Variants in NID1 observed in about 807,000 individuals in gnomAD.
NID1 encodes the protein nidogen-1.
Under a neutral mutation model 130.6 loss-of-function variants are expected in NID1, and 76 were observed. That is an observed-to-expected ratio of 0.58 (90% CI 0.48 to 0.70). The LOEUF (loss-of-function observed/expected upper bound fraction) is 0.70, where lower values mean the gene tolerates loss of function less well. Among genes scored for constraint, NID1 ranks in the 30% least tolerant of loss-of-function variants. NID1 has a pLI of 0.00. For synonymous variants in NID1, 665 were observed against 675.1 expected, an observed-to-expected ratio of 0.98 and a Z score of 0.23; for missense variants, 1,517 against 1,664.8, an observed-to-expected ratio of 0.91 and a Z score of 1.54.
chr1:235,980,428 C>A, intron 17 of NID1, 68 bp downstream of exon 17: 2 of 1,536,680 alleles, frequency 1.3e-6, no homozygotes, highest in Non-Finnish European at 1.8e-6. Context: ...GACCCCAGGG[C>A]CCTAGTTTGC....
chr1:235,983,068 T>C (rs910552258), intron 15 of NID1, among the ~76,000 whole-genome samples: 1 of 152,098 alleles, frequency 6.6e-6, no homozygotes, highest in African/African-American at 2.4e-5. Flanking sequence ...AGAGACAGGG[T>C]TTCACCATGT....
chr1:236,007,607 G>C (rs757778117), intron 12 of NID1, among the ~76,000 whole-genome samples: 7 of 152,184 alleles, frequency 4.6e-5, no homozygotes, highest in Middle Eastern at 3.4e-3. Context: ...CCTTTGACTT[G>C]CTGTGGAGGG....
chr1:236,025,151 C>G (rs1192541359), intron 8 of NID1, among the ~76,000 whole-genome samples: 1 of 151,944 alleles, frequency 6.6e-6, no homozygotes, highest in African/African-American at 2.4e-5. Context: ...AGGGTTTCTC[C>G]ATGTTGGCCA....
At chr1:235,997,845 T>G (rs1347934556) in intron 12 of NID1, among the ~76,000 whole-genome samples, 1 of 152,100 alleles carries the variant, frequency 6.6e-6, no homozygotes, top group Non-Finnish European at 1.5e-5. Flanking sequence ...TGACCTCAGG[T>G]GATCCACCCA....
At chr1:236,007,704 G>A (rs964580048) in intron 12 of NID1, among the ~76,000 whole-genome samples, 2 of 152,064 alleles carry the variant, frequency 1.3e-5, no homozygotes, top group African/African-American at 4.8e-5. Context: ...ACAACCATGC[G>A]GGTCCTTCAG....
chr1:235,988,573 G>T (rs1300580955), intron 14 of NID1, among the ~76,000 whole-genome samples: 2 of 152,288 alleles, frequency 1.3e-5, no homozygotes, highest in South Asian at 2.1e-4. Context: ...ACAGATATTT[G>T]TATACCCATG....
chr1:236,044,870 C>G lies in NID1; in HGVS notation c.752+587G>C, dbSNP rs193048701. The stretch of plus-strand genomic sequence containing the variant: ...TCAAAGGAGATAGGTTTGAATAACC[C>G]TTATTTCTAACAGTGTTTATAGACA... On this transcript the variant is annotated intron_variant, in intron 3 of 19. Transcript: ENST00000264187. Among the ~76,000 whole-genome samples, 71 of 152,162 alleles carry G rather than the reference C, an allele frequency of 4.7e-4. 1 individual carries two copies. The highest frequency in any genetic ancestry group is 1.7e-3 in the African/African-American group (71 of 41,494).
intron 12 of NID1, among the ~76,000 whole-genome samples, chr1:236,005,156 C>A (rs1373858377): frequency 1.3e-5 from 2 of 151,926 alleles, no homozygotes; most frequent in Admixed American, 6.6e-5. Flanking sequence ...CTGGGTAACA[C>A]CATCTCAAGA....
rs141204959 is a variant in NID1, at chr1:236,017,204, G to T, written c.2198C>A (p.Thr733Asn). The T allele has an allele frequency of 2.8e-3, 4,519 of 1,614,138 alleles. 11 individuals carry two copies. The highest frequency in any genetic ancestry group is 3.2e-3 in the Non-Finnish European group (3,722 of 1,180,014). ...GCCCTCCACACACTCGCAGCGGAAGGTTCCTGGGTGATTATTGCAGATTGT... is the reference window on the plus strand; with the variant it reads ...GCCCTCCACACACTCGCAGCGGAAGTTTCCTGGGTGATTATTGCAGATTGT... The part of the protein sequence containing the change: ...SHTICNNHPG[T>N]FRCECVEGYQ... Residue 733 changes from threonine to asparagine, a missense_variant, in exon 10 of 20, where the codon ACC (threonine) becomes AAC (asparagine). Coordinates refer to ENST00000264187, the MANE Select transcript of NID1 (RefSeq NM_002508.3).
Position 236,029,535 on chromosome 1 carries a change from A to G in NID1, c.1738+15T>C. 1.3e-6 allele frequency: 2 copies of G among 1,550,340 alleles called. No homozygotes were observed. Among genetic ancestry groups the G allele is most frequent in the Non-Finnish European group, 1.7e-6 (2 of 1,146,538 alleles). On this transcript the variant is annotated intron_variant, in intron 7 of 19. Coordinates refer to ENST00000264187, the MANE Select transcript of NID1 (RefSeq NM_002508.3). ...GCCGGTCTGGGGCTGGCCCTGGGAC[A>G]CAGCTGGGGCTCACCTGAGGTGGAG...
chr1:236,059,054 G>T (rs907731084), intron 1 of NID1, among the ~76,000 whole-genome samples: 1 of 152,056 alleles, frequency 6.6e-6, no homozygotes, highest in East Asian at 1.9e-4. Context: ...CCCTCTTTTC[G>T]CATACTTGAA....
chr1:236,042,261 C>T lies in NID1; in HGVS notation c.784G>A (p.Val262Met). The change falls in exon 4 of 20, where the codon GTG (valine) becomes ATG (methionine). Residue 262 changes from valine (V) to methionine (M), a missense_variant. Transcript: ENST00000264187. ...GTGGCTGGACTCCCAATCTCAAACA[C>T]CCAGACACCCTGCTGCCCAGAGTTA... ...SSNSGQQGVW[V>M]FEIGSPATTN... 1.9e-6 allele frequency: 3 copies of T among 1,606,794 alleles called. No individual in the cohort carries two copies. The highest frequency in any genetic ancestry group is 1.7e-4 in the Middle Eastern group (1 of 6,060).
chr1:236,045,592 G>A lies in NID1; in HGVS notation c.617C>T (p.Thr206Ile), dbSNP rs779424927. 1.2e-6 allele frequency: 2 copies of A among 1,614,166 alleles called. No individual in the cohort carries two copies. Among genetic ancestry groups the A allele is most frequent in the Admixed American group, 1.7e-5 (1 of 60,026 alleles). ...YPEDGLQFHT[T>I]FSKKENNQVP... ...TTGGTTGTTTTCCTTCTTTGAGAAT[G>A]TCGTATGGAACTGCAGACCATCCTC... Residue 206 changes from threonine (T) to isoleucine (I), a missense_variant, in exon 3 of 20, where the codon ACA becomes ATA. Physicochemically the swap from Thr to Ile is moderately conservative, Grantham distance 89. Transcript: ENST00000264187.
At chr1:235,980,165 T>A (rs574847647) in intron 17 of NID1, among the ~76,000 whole-genome samples, 1 of 152,174 alleles carries the variant, frequency 6.6e-6, no homozygotes, top group Non-Finnish European at 1.5e-5. Context: ...TAATGTAAGT[T>A]GTGAATTGCT....
chr1:236,057,120 G>A (rs527272945), intron 1 of NID1, among the ~76,000 whole-genome samples: 39 of 152,154 alleles, frequency 2.6e-4, no homozygotes, highest in African/African-American at 6.5e-4. Context: ...TTAGCCAGGC[G>A]TGGTGGTGGG....
At position 236,041,977 on chromosome 1, in the gene NID1, T is replaced by G. The variant is rs551754662; in HGVS notation, c.1068A>C (p.Ala356=). The change falls in exon 4 of 20, where the codon GCA becomes GCC. Residue 356 remains alanine (A), a synonymous_variant. Coordinates refer to ENST00000264187, the MANE Select transcript of NID1 (RefSeq NM_002508.3). The part of the protein sequence containing the change: ...PTERTRSFQL[A]VETFHQQHPQ... ...GGTGCTGCTGGTGAAAAGTCTCCAC[T>G]GCCAACTGGAAAGACCTGGTTCTCT... 2.5e-6 allele frequency: 4 copies of G among 1,614,108 alleles called. No homozygotes were observed. The highest frequency in any genetic ancestry group is 3.4e-6 in the Non-Finnish European group (4 of 1,180,018).
intron 13 of NID1, among the ~76,000 whole-genome samples, chr1:235,992,622 C>T (rs888946719): frequency 6.6e-6 from 1 of 152,168 alleles, no homozygotes; most frequent in Non-Finnish European, 1.5e-5. Context: ...AGCTCATCTC[C>T]CTACACTGTT....
intron 4 of NID1, among the ~76,000 whole-genome samples, chr1:236,039,409 A>G (rs887410870): frequency 3.3e-5 from 5 of 150,874 alleles, no homozygotes; most frequent in Admixed American, 2.7e-4. Context: ...ATCACCTCCC[A>G]CCCCACCCCA....
chr1:236,040,207 T>A (rs1388559943), intron 4 of NID1, among the ~76,000 whole-genome samples: 1 of 152,070 alleles, frequency 6.6e-6, no homozygotes, highest in Non-Finnish European at 1.5e-5. Flanking sequence ...CTGGGGGAGA[T>A]GACTCCAAAA....
Sources: allele counts gnomAD v4.1 joint callset (sites outside exome capture counted in the v4.1 genomes callset), GRCh38; gene constraint gnomAD v4.1.1; transcripts MANE v1.5; gene names NCBI Gene and HGNC (gene_info 2026-07-23, HGNC 2026-07-21).